Variants in VPS13B observed in about 807,000 individuals in gnomAD.
The protein encoded by VPS13B is intermembrane lipid transfer protein VPS13B.
In VPS13B, 285 loss-of-function variants were observed where a neutral mutation model predicts 426.4. That is an observed-to-expected ratio of 0.67 (90% CI 0.61 to 0.74). The LOEUF (loss-of-function observed/expected upper bound fraction) is 0.74. Among genes scored for constraint, VPS13B ranks in the 30% least tolerant of loss-of-function variants. VPS13B has a pLI of 0.00. For synonymous variants in VPS13B, 1,676 were observed against 1,676.4 expected (o/e 1.00, Z 0.01); for missense variants, 4,537 against 4,782.6 (o/e 0.95, Z 1.51).
intron 19 of VPS13B, among the ~76,000 whole-genome samples, chr8:99,287,303 A>G (rs988299882): frequency 6.6e-6 from 1 of 151,916 alleles, no homozygotes; most frequent in African/African-American, 2.4e-5. Flanking sequence ...TCCGTACTGT[A>G]TAGATAGATA....
intron 33 of VPS13B, among the ~76,000 whole-genome samples, chr8:99,581,181 C>CA (rs543546804): frequency 5.5e-4 from 69 of 125,890 alleles, no homozygotes; most frequent in South Asian, 1.3e-3. Context: ...GACCCTGTCT[C>CA]AAAAAAAAAA....
At position 99,590,778 on chromosome 8, in the gene VPS13B, A is replaced by T. The variant is rs531337732; in HGVS notation, c.5220+13145A>T. ...CAATTATGTGGTTAATTTTAGAATA[A>T]GTGTGATGTGATGCTGAGAATAATG... On this transcript the variant is annotated intron_variant, in intron 33 of 61. Coordinates refer to ENST00000357162, the MANE Select transcript of VPS13B (RefSeq NM_152564.5). 2.6e-5 allele frequency among the ~76,000 whole-genome samples: 4 copies of T among 152,200 alleles called. No homozygotes were observed. The South Asian group carries it at 6.2e-4, about 24-fold the overall frequency.
intron 23 of VPS13B, among the ~76,000 whole-genome samples, chr8:99,446,382 C>T (rs1222657759): frequency 1.3e-5 from 2 of 152,002 alleles, no homozygotes; most frequent in African/African-American, 2.4e-5. Flanking sequence ...CCTTGGAAGT[C>T]GTTTGTCCTT....
chr8:99,328,400 T>G (rs1810391071), intron 19 of VPS13B, among the ~76,000 whole-genome samples: 1 of 152,132 alleles, frequency 6.6e-6, no homozygotes, highest in Admixed American at 6.5e-5. Flanking sequence ...ACTATTACTT[T>G]TGTGTTTGGT....
chr8:99,359,509 T>C (rs981622273), intron 19 of VPS13B, among the ~76,000 whole-genome samples: 1 of 152,198 alleles, frequency 6.6e-6, no homozygotes, highest in Non-Finnish European at 1.5e-5. Flanking sequence ...AGACATTTTG[T>C]ATTTTAGACA....
At chr8:99,082,164 T>C (rs1244782750) in intron 3 of VPS13B, among the ~76,000 whole-genome samples, 1 of 152,262 alleles carries the variant, frequency 6.6e-6, no homozygotes, top group Non-Finnish European at 1.5e-5. Context: ...CTAACTGGTA[T>C]GAGATGGTAT....
At chr8:99,851,193 A>G (rs1239412079) in intron 55 of VPS13B, among the ~76,000 whole-genome samples, 3 of 152,240 alleles carry the variant, frequency 2.0e-5, no homozygotes, top group African/African-American at 4.8e-5. Flanking sequence ...TAATAACAAT[A>G]GAAGCAAACT....
intron 7 of VPS13B, among the ~76,000 whole-genome samples, chr8:99,118,162 A>G (rs1358770580): frequency 6.6e-6 from 1 of 152,196 alleles, no homozygotes; most frequent in Non-Finnish European, 1.5e-5. Flanking sequence ...AAATATATGG[A>G]AAAGCTGTAA....
chr8:99,594,749 A>C (rs1214153113), intron 33 of VPS13B, among the ~76,000 whole-genome samples: 1 of 151,900 alleles, frequency 6.6e-6, no homozygotes, highest in South Asian at 2.1e-4. Flanking sequence ...CTGAAACTAC[A>C]GTTGATAGTG....
At chr8:99,302,853 C>T (rs1420533647) in intron 19 of VPS13B, among the ~76,000 whole-genome samples, 5 of 152,222 alleles carry the variant, frequency 3.3e-5, no homozygotes, top group African/African-American at 4.8e-5. Flanking sequence ...TCCATGGGCA[C>T]GTGAAGTACG....
In VPS13B at chr8:99,875,430, C is replaced by T. The variant is rs933746831; in HGVS notation, c.11758C>T (p.Arg3920Ter). The T allele has an allele frequency of 5.0e-6, 8 of 1,613,930 alleles. No homozygotes were observed. The highest frequency in any genetic ancestry group is 1.3e-5 in the African/African-American group (1 of 74,872). Residue 3920 changes from arginine to a stop codon, truncating the protein, a stop_gained, in exon 62 of 62, where the codon CGA (arginine) becomes TGA (stop). Coordinates refer to ENST00000357162, the MANE Select transcript of VPS13B (RefSeq NM_152564.5). LOFTEE classifies it high-confidence loss of function. Reference sequence around the variant, plus strand: ...TTTTGGATCCTAGGTAGATGGAGTCCGAGAGAGACTGTCAGAGCAACAGTA... The same window carrying T: ...TTTTGGATCCTAGGTAGATGGAGTCTGAGAGAGACTGTCAGAGCAACAGTA... ...VACDVEVDGV[R>*]ERLSEQQYNR...
intron 21 of VPS13B, among the ~76,000 whole-genome samples, chr8:99,413,743 G>A (rs1563716392): frequency 6.6e-6 from 1 of 152,144 alleles, no homozygotes; most frequent in Non-Finnish European, 1.5e-5. Context: ...GTGTGGTTGT[G>A]AGTGACTTTC....
chr8:99,419,130 T>C (rs1816238911), intron 21 of VPS13B, among the ~76,000 whole-genome samples: 1 of 152,180 alleles, frequency 6.6e-6, no homozygotes, highest in African/African-American at 2.4e-5. Context: ...GGGTAGTTTC[T>C]AAAGGTTTAA....
intron 19 of VPS13B, among the ~76,000 whole-genome samples, chr8:99,308,689 A>G (rs1356766884): frequency 1.3e-5 from 2 of 152,212 alleles, no homozygotes; most frequent in African/African-American, 4.8e-5. Flanking sequence ...CTTTGGGTGT[A>G]TCCCCAGTAA....
At chr8:99,269,960 T>A (rs1818488066) in intron 17 of VPS13B, among the ~76,000 whole-genome samples, 1 of 151,822 alleles carries the variant, frequency 6.6e-6, no homozygotes, top group Admixed American at 6.6e-5. Flanking sequence ...TAAAAACAAA[T>A]TACTTTATAA....
At chr8:99,594,841 C>T (rs541270676) in intron 33 of VPS13B, among the ~76,000 whole-genome samples, 2 of 151,902 alleles carry the variant, frequency 1.3e-5, no homozygotes, top group Non-Finnish European at 2.9e-5. Context: ...TTGCTCTGCT[C>T]ACCTTGCTCT....
intron 24 of VPS13B, among the ~76,000 whole-genome samples, chr8:99,468,148 C>T (rs1415372885): frequency 6.6e-6 from 1 of 152,066 alleles, no homozygotes; most frequent in Non-Finnish European, 1.5e-5. Flanking sequence ...TATCCCCCGA[C>T]CCCCCAGCCC....
At chr8:99,256,351 C>T in intron 17 of VPS13B, among the ~76,000 whole-genome samples, 1 of 152,164 alleles carries the variant, frequency 6.6e-6, no homozygotes, top group East Asian at 1.9e-4. Context: ...AATAGTGAAA[C>T]TATGAACACA....
chr8:99,150,396 T>C (rs1811003508), intron 14 of VPS13B, among the ~76,000 whole-genome samples: 1 of 152,208 alleles, frequency 6.6e-6, no homozygotes, highest in South Asian at 2.1e-4. Flanking sequence ...CACATCAGTA[T>C]CACCCAAAGT....
Sources: gnomAD v4.1 joint callset for allele counts (sites outside exome capture counted in the v4.1 genomes callset) on GRCh38, gnomAD v4.1.1 for gene constraint, MANE v1.5 for transcripts, NCBI Gene and HGNC (gene_info 2026-07-23, HGNC 2026-07-21) for gene names.